STON2: variants seen among roughly 807,000 people sequenced by gnomAD.
The protein encoded by STON2 is stonin 2.
A neutral mutation model predicts 65.7 loss-of-function variants in STON2; 29 were observed. The observed-to-expected ratio is 0.44, with a 90% CI of 0.33 to 0.60. The LOEUF is 0.60. Ranked by LOEUF, STON2 falls within the 20% of genes least tolerant of loss-of-function variation. The pLI, the probability that STON2 is intolerant of heterozygous loss-of-function variation, is 0.03. For missense variants in STON2, 1,054 were observed against 1,118.1 expected (o/e 0.94, Z 0.82); for synonymous variants, 404 against 414.2 (o/e 0.98, Z 0.30).
In STON2 at chr14:81,264,008, G is replaced by A. The variant is rs1476678825; in HGVS notation, c.*4406C>T. 4.2e-5 allele frequency: 41 copies of A among 985,268 alleles called. No individual in the cohort carries two copies. Among genetic ancestry groups the A allele is most frequent in the Non-Finnish European group, 4.5e-5 (37 of 829,946 alleles). 61.0% of individuals were successfully genotyped at this position (985,268 alleles called of 1,614,324 possible). A position where few individuals can be genotyped will look rare whatever the true frequency, so the allele number is the denominator to read the frequency against. ...TAACGGTCAGCGGTTAGTGCTGGAA[G>A]AACAAAGACCTACTGCATGAAGACT... On this transcript the variant is annotated 3_prime_UTR_variant, in exon 8 of 8. Transcript: ENST00000614646.
intron 4 of STON2, among the ~76,000 whole-genome samples, chr14:81,337,354 A>G (rs1897411849): frequency 6.6e-6 from 1 of 152,206 alleles, no homozygotes; most frequent in Admixed American, 6.5e-5. Flanking sequence ...TTGAGCATCT[A>G]CTATGTGCCA....
At chr14:81,293,385 G>C (rs571315356) in intron 5 of STON2, among the ~76,000 whole-genome samples, 11 of 152,150 alleles carry the variant, frequency 7.2e-5, no homozygotes, top group African/African-American at 2.6e-4. Flanking sequence ...TGTTGGCCAG[G>C]ATGGTCTCGA....
intron 2 of STON2, among the ~76,000 whole-genome samples, chr14:81,426,865 G>A (rs996576919): frequency 6.6e-6 from 1 of 152,154 alleles, no homozygotes; most frequent in Non-Finnish European, 1.5e-5. Flanking sequence ...AGGTAGTCAC[G>A]TAAGCTTCGT....
intron 4 of STON2, among the ~76,000 whole-genome samples, chr14:81,325,986 C>G (rs988551799): frequency 1.3e-5 from 2 of 152,152 alleles, no homozygotes; most frequent in African/African-American, 2.4e-5. Flanking sequence ...TTCCAGCTCT[C>G]TCACCCCAAT....
At chr14:81,408,409 A>C (rs549934247) in intron 2 of STON2, among the ~76,000 whole-genome samples, 10 of 152,270 alleles carry the variant, frequency 6.6e-5, no homozygotes, top group Non-Finnish European at 1.5e-4. Context: ...AAAAGAAACA[A>C]ATGTCATACT....
chr14:81,417,368 G>GA (rs1225533346), intron 2 of STON2, among the ~76,000 whole-genome samples: 2 of 151,616 alleles, frequency 1.3e-5, no homozygotes, highest in African/African-American at 4.9e-5. Context: ...ATGTTCAGGA[G>GA]AAAACCTTAA....
chr14:81,267,598 G>T lies in STON2; in HGVS notation c.*816C>A. The stretch of plus-strand genomic sequence containing the variant: ...GTGAATTTGGGAATTCACTGAGATT[G>T]AATCTACCTCTTGAACTGAACATCA... On this transcript the variant is annotated 3_prime_UTR_variant, in exon 8 of 8. Transcript: ENST00000614646. 1.0e-6 allele frequency: 1 copy of T among 985,276 alleles called. No individual in the cohort carries two copies. The highest frequency in any genetic ancestry group is 1.2e-6 in the Non-Finnish European group (1 of 829,838). The allele number at this position is 985,276 out of a possible 1,614,324, so 61.0% of individuals were successfully genotyped here. A position where few individuals can be genotyped will look rare whatever the true frequency, so the allele number is the denominator to read the frequency against.
At chr14:81,313,210 C>A (rs1302985296) in intron 5 of STON2, among the ~76,000 whole-genome samples, 2 of 152,064 alleles carry the variant, frequency 1.3e-5, no homozygotes, top group Non-Finnish European at 2.9e-5. Flanking sequence ...AGACAAGAAC[C>A]CAGGGAGTTT....
intron 4 of STON2, among the ~76,000 whole-genome samples, chr14:81,340,306 G>C (rs1897554266): frequency 6.6e-6 from 1 of 152,132 alleles, no homozygotes; most frequent in Non-Finnish European, 1.5e-5. Flanking sequence ...GTGGGGGACA[G>C]AGAGAGAGGA....
At chr14:81,290,718 C>T (rs74065072) in intron 5 of STON2, among the ~76,000 whole-genome samples, 2,198 of 152,254 alleles carry the variant, frequency 0.014, 61 homozygotes, top group African/African-American at 0.049. Context: ...AGCAATGACA[C>T]TGACAACAAA....
intron 4 of STON2, among the ~76,000 whole-genome samples, chr14:81,334,091 G>C (rs1897295456): frequency 6.6e-6 from 1 of 152,186 alleles, no homozygotes; most frequent in Non-Finnish European, 1.5e-5. Context: ...TCAGGTTCAA[G>C]CATGGCAATA....
intron 1 of STON2, among the ~76,000 whole-genome samples, chr14:81,427,699 A>T (rs1319791911): frequency 6.6e-6 from 1 of 152,040 alleles, no homozygotes; most frequent in Non-Finnish European, 1.5e-5. Context: ...TAACAAAAAG[A>T]ATAAGGATGA....
At chr14:81,290,176 T>C (rs562262068) in intron 5 of STON2, among the ~76,000 whole-genome samples, 9 of 152,328 alleles carry the variant, frequency 5.9e-5, no homozygotes, top group African/African-American at 1.9e-4. Flanking sequence ...AGAGTGGAGC[T>C]TGGTAGTCTC....
rs1894171561 is a variant in STON2 at position 81,262,055 on chromosome 14, A to C, written c.*6359T>G. The C allele has an allele frequency of 7.6e-7, 1 of 1,307,492 alleles. No homozygotes were observed. The highest frequency in any genetic ancestry group is 1.5e-5 in the African/African-American group (1 of 66,472). 81.0% of individuals were successfully genotyped at this position (1,307,492 alleles called of 1,614,324 possible). A position where few individuals can be genotyped will look rare whatever the true frequency, so the allele number is the denominator to read the frequency against. ...GGTTCTTATAAACATAGGAAGAGTC[A>C]CTGAAAGGTGGCACCAATGGATATT... On this transcript the variant is annotated 3_prime_UTR_variant, in exon 8 of 8. Transcript: ENST00000614646.
At position 81,362,534 on chromosome 14, in the gene STON2, C is replaced by T. The variant is rs114516284; in HGVS notation, c.571+8454G>A. On this transcript the variant is annotated intron_variant, in intron 4 of 7. Coordinates refer to ENST00000614646, the MANE Select transcript of STON2 (RefSeq NM_001394390.1). ...TAAAGGGTACAAAGCCTCAATTAGA[C>T]AGTAGTAATAAGGTTTTTATTTCTT... 5.0e-3 allele frequency among the ~76,000 whole-genome samples: 766 copies of T among 152,190 alleles called. 7 individuals carry two copies. The highest frequency in any genetic ancestry group is 0.018 in the African/African-American group (748 of 41,522).
chr14:81,263,757 T>G lies in STON2; in HGVS notation c.*4657A>C. 1.0e-6 allele frequency: 1 copy of G among 985,350 alleles called. No homozygotes were observed. Among genetic ancestry groups the G allele is most frequent in the Non-Finnish European group, 1.2e-6 (1 of 829,902 alleles). The allele number at this position is 985,350 out of a possible 1,614,324, so 61.0% of individuals were successfully genotyped here. A position where few individuals can be genotyped will look rare whatever the true frequency, so the allele number is the denominator to read the frequency against. On this transcript the variant is annotated 3_prime_UTR_variant, in exon 8 of 8. Transcript: ENST00000614646. The stretch of plus-strand genomic sequence containing the variant: ...TTTTTAGAAGAGTTAAAGTTACCAC[T>G]CGAACTGGGAGCATTTCTATAAGCA...
chr14:81,410,860 T>A (rs1901121349), intron 2 of STON2, among the ~76,000 whole-genome samples: 1 of 152,238 alleles, frequency 6.6e-6, no homozygotes, highest in Non-Finnish European at 1.5e-5. Context: ...CTTCTTTAAA[T>A]AATTTCCCAA....
intron 2 of STON2, among the ~76,000 whole-genome samples, chr14:81,413,462 T>G (rs924829499): frequency 1.4e-5 from 2 of 140,496 alleles, no homozygotes; most frequent in East Asian, 2.5e-4. Flanking sequence ...TCCATACTTC[T>G]GCCTCACGTT....
At chr14:81,287,701 G>A (rs1368912572) in intron 5 of STON2, among the ~76,000 whole-genome samples, 2 of 152,120 alleles carry the variant, frequency 1.3e-5, no homozygotes, top group East Asian at 3.9e-4. Flanking sequence ...GCCTCACGTG[G>A]TGACCAAGAA....
Sources: allele counts gnomAD v4.1 joint callset (sites outside exome capture counted in the v4.1 genomes callset), GRCh38; gene constraint gnomAD v4.1.1; transcripts MANE v1.5; gene names NCBI Gene and HGNC (gene_info 2026-07-23, HGNC 2026-07-21).